The following ERCC6L2 variants were observed in gnomAD, a reference collection of about 807,000 sequenced individuals.
ERCC6L2 encodes the protein ERCC excision repair 6 like 2, also known as DNA excision repair protein ERCC-6-like 2.
A neutral mutation model predicts 132.0 loss-of-function variants in ERCC6L2; 77 were observed. The ratio of observed to expected loss-of-function variants is 0.58; its 90% CI spans 0.49 to 0.71. ERCC6L2 has a LOEUF of 0.71. ERCC6L2 is among the 30% of genes least tolerant of loss of function. The pLI, the probability that ERCC6L2 is intolerant of heterozygous loss-of-function variation, is 0.00. For missense variants in ERCC6L2, 1,542 were observed against 1,837.6 expected, an observed-to-expected ratio of 0.84 and a Z score of 2.94; for synonymous variants, 583 against 632.4, an observed-to-expected ratio of 0.92 and a Z score of 1.17.
chr9:95,962,378 CCT>C (rs1831947189), intron 13 of ERCC6L2, among the ~76,000 whole-genome samples: 1 of 152,032 alleles, frequency 6.6e-6, no homozygotes, highest in African/African-American at 2.4e-5. Flanking sequence ...TGACAGAAAT[CCT>C]CTCACATACG....
At position 96,004,664 on chromosome 9, in the gene ERCC6L2, A is replaced by G. The variant is rs142826355; in HGVS notation, c.3637A>G (p.Thr1213Ala). Residue 1213 changes from threonine to alanine, a missense_variant, in exon 18 of 19, where the codon ACC becomes GCC. Transcript: ENST00000653738. ...KKKVYHTNQT[T>A]FIIGETPKGI... is the part of the protein sequence containing the mutation. Reference sequence around the variant, plus strand: ...AAAAGTCTACCATACAAACCAGACCACCTTCATAATTGGAGAAACACCAAA... The same window carrying G: ...AAAAGTCTACCATACAAACCAGACCGCCTTCATAATTGGAGAAACACCAAA... The G allele has an allele frequency of 4.5e-6, 6 of 1,342,626 alleles. No individual in the cohort carries two copies. The Admixed American group carries it at 1.2e-4, about 27-fold the overall frequency. The allele number at this position is 1,342,626 out of a possible 1,614,324, so 83.2% of individuals were successfully genotyped here. A position where few individuals can be genotyped will look rare whatever the true frequency, so the allele number is the denominator to read the frequency against.
At chr9:95,939,704 G>C (rs564476294) in intron 11 of ERCC6L2, among the ~76,000 whole-genome samples, 1 of 151,806 alleles carries the variant, frequency 6.6e-6, no homozygotes, top group East Asian at 1.9e-4. Context: ...TTTTTTGTTT[G>C]TTTCAAGCAT....
At position 95,977,947 on chromosome 9, in the gene ERCC6L2, A is replaced by C. The variant is rs1832738015; in HGVS notation, c.3338-114A>C. The C allele has an allele frequency of 8.2e-6, 5 of 611,688 alleles. 1 individual carries two copies. In the South Asian group the frequency reaches 1.3e-4, roughly 16 times the overall value. 37.9% of individuals were successfully genotyped at this position (611,688 alleles called of 1,614,324 possible). A position where few individuals can be genotyped will look rare whatever the true frequency, so the allele number is the denominator to read the frequency against. ...TCTCTTTTCAATATTTTTCCTAAAG[A>C]ATATTGTGATGTTGATGTTTCTCTT... On this transcript the variant is annotated intron_variant, in intron 16 of 18. Coordinates refer to ENST00000653738, the MANE Select transcript of ERCC6L2 (RefSeq NM_020207.7).
At chr9:95,987,436 C>T (rs1833137106) in intron 17 of ERCC6L2, among the ~76,000 whole-genome samples, 1 of 152,106 alleles carries the variant, frequency 6.6e-6, no homozygotes, top group South Asian at 2.1e-4. Flanking sequence ...GAAAATTGGC[C>T]AAAATGAAGG....
intron 19 of ERCC6L2, among the ~76,000 whole-genome samples, chr9:96,035,142 C>A (rs1834504965): frequency 6.6e-6 from 1 of 152,206 alleles, no homozygotes; most frequent in Admixed American, 6.5e-5. Flanking sequence ...TCTCCTCTCC[C>A]AACACCTGCT....
chr9:96,007,798 A>G (rs761057700), intron 18 of ERCC6L2, among the ~76,000 whole-genome samples: 3 of 152,158 alleles, frequency 2.0e-5, no homozygotes, highest in Non-Finnish European at 2.9e-5. Context: ...GCCAGTGGTA[A>G]TGGATGACAG....
intron 4 of ERCC6L2, among the ~76,000 whole-genome samples, chr9:95,909,466 A>G (rs958447314): frequency 6.6e-5 from 10 of 152,086 alleles, no homozygotes; most frequent in African/African-American, 2.4e-4. Context: ...CTTTTCCTCA[A>G]CCCTCACCTT....
chr9:95,956,085 T>C, intron 13 of ERCC6L2, 72 bp downstream of exon 13: 2 of 811,638 alleles, frequency 2.5e-6, no homozygotes, highest in Non-Finnish European at 3.8e-6. Flanking sequence ...AACAAATTTG[T>C]GTAAAATGTA....
chr9:95,987,383 T>C (rs1213427544), intron 17 of ERCC6L2, among the ~76,000 whole-genome samples: 1 of 152,192 alleles, frequency 6.6e-6, no homozygotes, highest in Non-Finnish European at 1.5e-5. Context: ...CTAGATACAA[T>C]GGACGTACAG....
chr9:95,907,348 T>TG, intron 4 of ERCC6L2, 77 bp downstream of exon 4: 1 of 1,150,156 alleles, frequency 8.7e-7, no homozygotes, highest in Non-Finnish European at 1.2e-6. Flanking sequence ...GTTTTTTTTT[T>TG]TTTTTTTTTG....
chr9:95,890,461 A>G (rs1369237527), intron 2 of ERCC6L2, among the ~76,000 whole-genome samples: 2 of 152,168 alleles, frequency 1.3e-5, no homozygotes, highest in African/African-American at 4.8e-5. Context: ...TCAGACACCA[A>G]AGTCTTTGTG....
intron 2 of ERCC6L2, among the ~76,000 whole-genome samples, chr9:95,882,478 T>C (rs1827645010): frequency 6.6e-6 from 1 of 152,204 alleles, no homozygotes; most frequent in Non-Finnish European, 1.5e-5. Context: ...ACTTTAGATT[T>C]TCAGGAGTGT....
At position 96,013,827 on chromosome 9, in the gene ERCC6L2, A is replaced by T. The variant is rs1220741368; in HGVS notation, c.*624A>T. 2 of 152,252 alleles carry T rather than the reference A, an allele frequency of 1.3e-5. No homozygotes were observed. Among genetic ancestry groups the T allele is most frequent in the Non-Finnish European group, 2.9e-5 (2 of 68,058 alleles). 9.4% of individuals were successfully genotyped at this position (152,252 alleles called of 1,614,324 possible). A position where few individuals can be genotyped will look rare whatever the true frequency, so the allele number is the denominator to read the frequency against. ...CTCAAAATTAAAAGGTTAATGTTATACACTTTACTATATGAGCTGTGATTA... is the reference window on the plus strand; with the variant it reads ...CTCAAAATTAAAAGGTTAATGTTATTCACTTTACTATATGAGCTGTGATTA... On this transcript the variant is annotated 3_prime_UTR_variant, in exon 19 of 19. Coordinates refer to ENST00000653738, the MANE Select transcript of ERCC6L2 (RefSeq NM_020207.7).
chr9:95,924,629 A>G (rs1429838745), intron 9 of ERCC6L2, among the ~76,000 whole-genome samples: 1 of 152,112 alleles, frequency 6.6e-6, no homozygotes, highest in Non-Finnish European at 1.5e-5. Context: ...ACTCTTCACT[A>G]AAAAATTGCC....
intron 19 of ERCC6L2, among the ~76,000 whole-genome samples, chr9:96,036,056 G>A (rs1834515635): frequency 6.6e-6 from 1 of 152,016 alleles, no homozygotes; most frequent in African/African-American, 2.4e-5. Flanking sequence ...TGTTTTAATT[G>A]GGGTAAGATA....
rs764696219 is a variant in ERCC6L2, at chr9:96,012,435, G to T, written c.3885G>T (p.Lys1295Asn). Reference sequence around the variant, plus strand: ...AGAAAGGAGAGCAGCGCACCCGGAAGAAATCTGATAAAAGAGAATCTCTTA... The same window carrying T: ...AGAAAGGAGAGCAGCGCACCCGGAATAAATCTGATAAAAGAGAATCTCTTA... Reference protein sequence around the residue: ...SFEKGEQRTRKKSDKRESLIK... With the variant: ...SFEKGEQRTRNKSDKRESLIK... The change falls in exon 19 of 19, where the codon AAG becomes AAT. Residue 1295 changes from lysine (K) to asparagine (N), a missense_variant. Transcript: ENST00000653738. The T allele has an allele frequency of 1.5e-6, 2 of 1,364,816 alleles. No homozygotes were observed. Among genetic ancestry groups the T allele is most frequent in the South Asian group, 2.3e-5 (2 of 87,600 alleles). 84.5% of individuals were successfully genotyped at this position (1,364,816 alleles called of 1,614,324 possible). A position where few individuals can be genotyped will look rare whatever the true frequency, so the allele number is the denominator to read the frequency against.
chr9:95,907,857 C>CACACACACACACACACACACACA, intron 4 of ERCC6L2, among the ~76,000 whole-genome samples: 143 of 133,798 alleles, frequency 1.1e-3, no homozygotes, highest in East Asian at 7.1e-4. Flanking sequence ...ACACACACAC[C>CACACACACACACACACACACACA]CCCACACCCA....
At chr9:95,941,892 C>T (rs1337370662) in intron 12 of ERCC6L2, among the ~76,000 whole-genome samples, 3 of 152,018 alleles carry the variant, frequency 2.0e-5, no homozygotes, top group Admixed American at 1.3e-4. Flanking sequence ...TCAGGGTATC[C>T]GCAGAGAAAT....
chr9:95,928,915 T>C, intron 11 of ERCC6L2, 51 bp downstream of exon 11: 1 of 1,323,066 alleles, frequency 7.6e-7, no homozygotes, highest in Non-Finnish European at 1.0e-6. Context: ...GTTTTTGAGA[T>C]TTAGCATAAT....
Sources: gnomAD v4.1 joint callset for allele counts (sites outside exome capture counted in the v4.1 genomes callset) on GRCh38, gnomAD v4.1.1 for gene constraint, MANE v1.5 for transcripts, NCBI Gene and HGNC (gene_info 2026-07-23, HGNC 2026-07-21) for gene names.